The following CA8 variants were observed in gnomAD, a reference collection of about 807,000 sequenced individuals.
CA8 encodes the protein carbonic anhydrase 8 (inactive), also known as carbonic anhydrase-related protein.
CA8 carries 22 observed loss-of-function variants against 41.4 expected under a neutral mutation model. The ratio of observed to expected loss-of-function variants is 0.53; its 90% CI spans 0.38 to 0.76. The LOEUF is 0.76. Ranked by LOEUF, CA8 falls within the 30% of genes least tolerant of loss-of-function variation. The probability of loss-of-function intolerance (pLI) is 0.00; values close to 1 mark genes in which losing one functional copy is unlikely to be tolerated. For synonymous variants in CA8, 121 were observed against 130.6 expected (o/e 0.93, Z 0.50); for missense variants, 270 against 352.8 (o/e 0.77, Z 1.88).
chr8:60,203,428 A>C (rs10106120), intron 8 of CA8, among the ~76,000 whole-genome samples: 47,842 of 152,038 alleles, frequency 0.31, 7,896 homozygotes, highest in Middle Eastern at 0.45. Context: ...ATAAAGTTTC[A>C]ATTCCTTAAC....
At chr8:60,273,887 A>G (rs995196086) in intron 2 of CA8, among the ~76,000 whole-genome samples, 2 of 152,170 alleles carry the variant, frequency 1.3e-5, no homozygotes, top group African/African-American at 4.8e-5. Context: ...TAAGGCAGTA[A>G]CTCCAGATGG....
At chr8:60,231,977 A>G (rs2130494782) in intron 4 of CA8, among the ~76,000 whole-genome samples, 1 of 152,280 alleles carries the variant, frequency 6.6e-6, no homozygotes, top group East Asian at 1.9e-4. Context: ...GGGTCTAAAG[A>G]AATTTTCTGA....
chr8:60,222,839 A>G (rs1339650065), intron 6 of CA8, 78 bp from the exon 7 acceptor site: 20 of 867,908 alleles, frequency 2.3e-5, no homozygotes, highest in African/African-American at 4.9e-5. Context: ...AACAATTTTC[A>G]AAATTACAAA....
At chr8:60,269,372 T>G (rs974492860) in intron 2 of CA8, among the ~76,000 whole-genome samples, 1 of 152,188 alleles carries the variant, frequency 6.6e-6, no homozygotes, top group Non-Finnish European at 1.5e-5. Context: ...TTCAATAAAG[T>G]TACAATGAAA....
chr8:60,230,585 C>A (rs890671692), intron 4 of CA8, among the ~76,000 whole-genome samples: 1 of 151,760 alleles, frequency 6.6e-6, no homozygotes, highest in African/African-American at 2.4e-5. Flanking sequence ...CCCTCCCTTC[C>A]CCTCTCCTTC....
At chr8:60,253,012 T>C (rs990602527) in intron 3 of CA8, among the ~76,000 whole-genome samples, 18 of 151,926 alleles carry the variant, frequency 1.2e-4, no homozygotes, top group African/African-American at 4.4e-4. Context: ...GGCAGACCAC[T>C]TGAGGTCAGG....
intron 5 of CA8, 70 bp from the exon 6 acceptor site, chr8:60,224,655 A>G: frequency 3.0e-6 from 3 of 989,238 alleles, no homozygotes; most frequent in Non-Finnish European, 4.8e-6. Context: ...AAAATCTATT[A>G]GAACTAAAAA....
At chr8:60,247,476 A>G (rs971821408) in intron 3 of CA8, among the ~76,000 whole-genome samples, 1 of 152,000 alleles carries the variant, frequency 6.6e-6, no homozygotes, top group South Asian at 2.1e-4. Flanking sequence ...TCATCATTCA[A>G]CTTCCACTTA....
chr8:60,246,634 T>C (rs1585899738), intron 3 of CA8, among the ~76,000 whole-genome samples: 1 of 152,218 alleles, frequency 6.6e-6, no homozygotes, highest in East Asian at 1.9e-4. Flanking sequence ...ATTAAAAAAC[T>C]TTATTTGTAT....
intron 2 of CA8, among the ~76,000 whole-genome samples, chr8:60,272,529 G>T (rs1804105897): frequency 6.6e-6 from 1 of 152,010 alleles, no homozygotes; most frequent in South Asian, 2.1e-4. Flanking sequence ...CTGAAGGATT[G>T]GCCTTTCCTC....
chr8:60,280,498 T>C (rs1323950976), intron 1 of CA8, among the ~76,000 whole-genome samples: 1 of 152,180 alleles, frequency 6.6e-6, no homozygotes, highest in Non-Finnish European at 1.5e-5. Flanking sequence ...GGAATAAATC[T>C]AGGAAACTCG....
At position 60,185,477 on chromosome 8, in the gene CA8, A is replaced by C. The variant is rs887027592; in HGVS notation, c.*4544T>G. Among the ~76,000 whole-genome samples, 1 of 152,080 alleles carries C rather than the reference A, an allele frequency of 6.6e-6. No homozygotes were observed. The highest frequency in any genetic ancestry group is 2.4e-5 in the African/African-American group (1 of 41,420). ...AAAATCATTCATCTACATACCCAAG[A>C]AGCTCAACAAATTCCAAGCAGAATA... is the stretch of plus-strand genomic sequence containing the variant. On this transcript the variant is annotated 3_prime_UTR_variant, in exon 9 of 9. Transcript: ENST00000317995.
Position 60,208,775 on chromosome 8 carries a change from T to C in CA8, c.*10A>G, listed in dbSNP as rs371796629. 2 of 1,614,034 alleles carry C rather than the reference T, an allele frequency of 1.2e-6. No individual in the cohort carries two copies. The highest frequency in any genetic ancestry group is 1.3e-5 in the African/African-American group (1 of 74,930). On this transcript the variant is annotated 3_prime_UTR_variant, in exon 8 of 9. Transcript: ENST00000317995. ...CCTCATGAAGACAGACTTGTTCCTGTCCTCTTTGGCTACTGAAATGCAGCT... is the reference window on the plus strand; with the variant it reads ...CCTCATGAAGACAGACTTGTTCCTGCCCTCTTTGGCTACTGAAATGCAGCT...
rs555307404 is a variant in CA8, at chr8:60,257,243, G to C, written c.417+8682C>G. Among the ~76,000 whole-genome samples the C allele has an allele frequency of 6.6e-5, 10 of 152,286 alleles. No homozygotes were observed. The East Asian group carries it at 1.7e-3, about 26-fold the overall frequency. Reference sequence around the variant, plus strand: ...TCTGCCTGCCTCAGCCTCCCAAAGTGCTGGGATTAAAAGCGTGAGCCACTG... The same window carrying C: ...TCTGCCTGCCTCAGCCTCCCAAAGTCCTGGGATTAAAAGCGTGAGCCACTG... On this transcript the variant is annotated intron_variant, in intron 3 of 8. Transcript: ENST00000317995.
intron 8 of CA8, among the ~76,000 whole-genome samples, chr8:60,207,492 T>C (rs1231659607): frequency 2.0e-5 from 3 of 152,196 alleles, no homozygotes; most frequent in Non-Finnish European, 2.9e-5. Flanking sequence ...CTCAACTCTT[T>C]ATCTTCAACC....
chr8:60,241,680 A>G (rs1808033731), intron 3 of CA8, among the ~76,000 whole-genome samples: 1 of 152,176 alleles, frequency 6.6e-6, no homozygotes, highest in Non-Finnish European at 1.5e-5. Context: ...GTAAAATCAG[A>G]AGCAATTAAA....
rs150589763 is a variant in CA8 at position 60,247,766 on chromosome 8, T to C, written c.418-15387A>G. Among the ~76,000 whole-genome samples the C allele has an allele frequency of 4.2e-3, 638 of 152,374 alleles. 7 individuals are homozygous for C. Among genetic ancestry groups the C allele is most frequent in the African/African-American group, 0.015 (605 of 41,594 alleles). ...AATGATTTATATTCCTTTAGGTATA[T>C]ACCCAGTAATGGGATTGCGTATCAA... On this transcript the variant is annotated intron_variant, in intron 3 of 8. Transcript: ENST00000317995.
intron 3 of CA8, among the ~76,000 whole-genome samples, chr8:60,245,604 A>T (rs9643368): frequency 6.6e-6 from 1 of 152,156 alleles, no homozygotes; most frequent in African/African-American, 2.4e-5. Context: ...TGCTATAGGC[A>T]ATCAACTTAT....
intron 7 of CA8, among the ~76,000 whole-genome samples, chr8:60,210,771 T>C (rs1806808331): frequency 6.6e-6 from 1 of 152,202 alleles, no homozygotes; most frequent in African/African-American, 2.4e-5. Context: ...TGTATTTACA[T>C]AGAGAAGCCA....
Sources: allele counts gnomAD v4.1 joint callset (sites outside exome capture counted in the v4.1 genomes callset), GRCh38; gene constraint gnomAD v4.1.1; transcripts MANE v1.5; gene names NCBI Gene and HGNC (gene_info 2026-07-23, HGNC 2026-07-21).